FAM13A: variants seen among roughly 807,000 people sequenced by gnomAD.
FAM13A encodes protein FAM13A.
A neutral mutation model predicts 129.6 loss-of-function variants in FAM13A; 76 were observed. The ratio of observed to expected loss-of-function variants is 0.59; its 90% CI spans 0.49 to 0.71. FAM13A has a LOEUF of 0.71. Ranked by LOEUF, FAM13A falls within the 30% of genes least tolerant of loss-of-function variation. The pLI is 0.00. For missense variants in FAM13A, 1,108 were observed against 1,249.3 expected (o/e 0.89, Z 1.70); for synonymous variants, 443 against 449.9 (o/e 0.98, Z 0.20).
At chr4:88,827,626 T>A (rs1733230304) in intron 7 of FAM13A, among the ~76,000 whole-genome samples, 1 of 152,208 alleles carries the variant, frequency 6.6e-6, no homozygotes, top group Non-Finnish European at 1.5e-5. Flanking sequence ...CCTTTGTGAA[T>A]CAGATTTAAA....
rs1763528794 is a variant in FAM13A at position 88,996,289 on chromosome 4, C to T, written c.428-5139G>A. Among the ~76,000 whole-genome samples the T allele has an allele frequency of 2.6e-5, 4 of 152,144 alleles. No homozygotes were observed. The South Asian group carries it at 8.3e-4, about 32-fold the overall frequency. ...GGGAGACATGATCTGCCTGGAGGAC[C>T]ACTCCGGCTGCTCTGCTGAGTCTAG... is the stretch of plus-strand genomic sequence containing the variant. On this transcript the variant is annotated intron_variant, in intron 3 of 23. Coordinates refer to ENST00000264344, the MANE Select transcript of FAM13A (RefSeq NM_014883.4).
intron 3 of FAM13A, among the ~76,000 whole-genome samples, chr4:89,011,897 A>G (rs1010290064): frequency 6.6e-6 from 1 of 152,202 alleles, no homozygotes; most frequent in Non-Finnish European, 1.5e-5. Context: ...TATATACAAC[A>G]TATCTTCTAC....
At chr4:88,890,468 G>C (rs1745135600) in intron 6 of FAM13A, among the ~76,000 whole-genome samples, 1 of 152,124 alleles carries the variant, frequency 6.6e-6, no homozygotes, top group South Asian at 2.1e-4. Context: ...ATAGCATCTG[G>C]AAAGACTCAA....
intron 4 of FAM13A, among the ~76,000 whole-genome samples, chr4:88,987,740 G>T (rs1762417829): frequency 6.8e-6 from 1 of 147,106 alleles, no homozygotes; most frequent in South Asian, 2.2e-4. Flanking sequence ...TACTCCTGAG[G>T]CTGAGGCAGG....
At chr4:88,852,450 C>A (rs545037033) in intron 6 of FAM13A, among the ~76,000 whole-genome samples, 1 of 152,172 alleles carries the variant, frequency 6.6e-6, no homozygotes, top group Non-Finnish European at 1.5e-5. Context: ...GCTTGAGCCA[C>A]GGCGCCTGGA....
At chr4:89,050,558 A>T (rs1277812279) in intron 1 of FAM13A, among the ~76,000 whole-genome samples, 1 of 152,082 alleles carries the variant, frequency 6.6e-6, no homozygotes, top group Non-Finnish European at 1.5e-5. Flanking sequence ...TTTTTTTACA[A>T]AAATCAAGAA....
At chr4:88,902,332 G>A (rs1323751058) in intron 6 of FAM13A, among the ~76,000 whole-genome samples, 1 of 152,134 alleles carries the variant, frequency 6.6e-6, no homozygotes, top group African/African-American at 2.4e-5. Flanking sequence ...CAATATCCCT[G>A]ATGAACATTG....
chr4:88,841,266 TG>T lies in FAM13A; in HGVS notation c.1007+9753del, dbSNP rs1195297490. On this transcript the variant is annotated intron_variant, in intron 7 of 23. Coordinates refer to ENST00000264344, the MANE Select transcript of FAM13A (RefSeq NM_014883.4). ...ATCCCAGCACTTTGGGAGGCCTAGC[TG>T]GGCCAATCACAAGGTCAGGAGTTCA... Among the ~76,000 whole-genome samples the T allele has an allele frequency of 2.6e-5, 4 of 152,212 alleles. No homozygotes were observed. In the South Asian group the frequency reaches 8.3e-4, roughly 32 times the overall value.
chr4:89,019,761 CAAAAAAAAA>C (rs61682568), intron 3 of FAM13A, among the ~76,000 whole-genome samples: 1 of 57,818 alleles, frequency 1.7e-5, no homozygotes, highest in Non-Finnish European at 3.4e-5. Flanking sequence ...AACTACATCT[CAAAAAAAAA>C]AAAAAAAAAA....
At chr4:88,767,826 T>C (rs1745987824) in intron 12 of FAM13A, among the ~76,000 whole-genome samples, 157 bp downstream of exon 12, 1 of 152,210 alleles carries the variant, frequency 6.6e-6, no homozygotes, top group African/African-American at 2.4e-5. Context: ...TGTGATAGAT[T>C]TTCTATTCTA....
intron 4 of FAM13A, among the ~76,000 whole-genome samples, chr4:88,967,926 C>A (rs1759559871): frequency 6.6e-6 from 1 of 152,146 alleles, no homozygotes; most frequent in African/African-American, 2.4e-5. Context: ...ATGTGGAGGA[C>A]ACTGGCTGAG....
chr4:89,013,283 A>ATAT (rs199886830), intron 3 of FAM13A, among the ~76,000 whole-genome samples: 8 of 149,538 alleles, frequency 5.3e-5, no homozygotes, highest in Non-Finnish European at 1.0e-4. Flanking sequence ...TATATATATA[A>ATAT]CACAGTATAT....
At chr4:88,928,063 A>G (rs909983448) in intron 5 of FAM13A, among the ~76,000 whole-genome samples, 3 of 152,022 alleles carry the variant, frequency 2.0e-5, no homozygotes, top group African/African-American at 7.2e-5. Flanking sequence ...AAAAATTTAA[A>G]ATTTCTGTCT....
intron 5 of FAM13A, among the ~76,000 whole-genome samples, chr4:88,936,079 C>A (rs1753803217): frequency 6.6e-6 from 1 of 152,162 alleles, no homozygotes; most frequent in Non-Finnish European, 1.5e-5. Context: ...CTACCTAAGA[C>A]ATCTGTATTT....
chr4:88,747,380 C>G (rs1403592954), intron 18 of FAM13A, among the ~76,000 whole-genome samples: 1 of 152,222 alleles, frequency 6.6e-6, no homozygotes, highest in Non-Finnish European at 1.5e-5. Context: ...AGTCACAAAA[C>G]CAGCTATTAA....
chr4:88,851,610 G>A (rs1316429601), intron 6 of FAM13A, among the ~76,000 whole-genome samples: 1 of 152,304 alleles, frequency 6.6e-6, no homozygotes, highest in East Asian at 1.9e-4. Context: ...GGATGCCAGT[G>A]TCTGAAAGGT....
At chr4:88,966,050 A>C (rs555908473) in intron 4 of FAM13A, among the ~76,000 whole-genome samples, 1 of 151,680 alleles carries the variant, frequency 6.6e-6, no homozygotes, top group African/African-American at 2.4e-5. Flanking sequence ...CCTTCTTTCA[A>C]CTCTTTTGGA....
At chr4:88,748,478 C>A (rs1384233252) in intron 17 of FAM13A, among the ~76,000 whole-genome samples, 1 of 152,172 alleles carries the variant, frequency 6.6e-6, no homozygotes, top group Non-Finnish European at 1.5e-5. Flanking sequence ...CAGCCACTGG[C>A]CAACCTTTTC....
chr4:88,737,600 C>T (rs748459640), intron 20 of FAM13A, 45 bp from the exon 21 acceptor site: 3 of 1,506,540 alleles, frequency 2.0e-6, no homozygotes, highest in Non-Finnish European at 2.8e-6. Context: ...AACCCCTTTC[C>T]CTTTCCCTCC....
Sources: gnomAD v4.1 joint callset for allele counts (sites outside exome capture counted in the v4.1 genomes callset) on GRCh38, gnomAD v4.1.1 for gene constraint, MANE v1.5 for transcripts, NCBI Gene and HGNC (gene_info 2026-07-23, HGNC 2026-07-21) for gene names.